Variants in DNAH14 observed in about 807,000 individuals in gnomAD.
The protein encoded by DNAH14 is dynein axonemal heavy chain 14.
Under a neutral mutation model 520.9 loss-of-function variants are expected in DNAH14, and 478 were observed. The observed-to-expected ratio is 0.92, with a 90% CI of 0.85 to 0.99. The LOEUF is 0.99. Ranked by LOEUF, DNAH14 falls within the 50% of genes least tolerant of loss-of-function variation. DNAH14 has a pLI of 0.00. For synonymous variants in DNAH14, 1,581 were observed against 1,757.2 expected (o/e 0.90, Z 2.51); for missense variants, 4,831 against 5,234.5 (o/e 0.92, Z 2.38).
intron 66 of DNAH14, among the ~76,000 whole-genome samples, chr1:225,335,651 A>G (rs1273756614): frequency 7.5e-6 from 1 of 133,428 alleles, no homozygotes; most frequent in African/African-American, 3.1e-5. Flanking sequence ...ATATGTATAT[A>G]CGCATATATA....
intron 75 of DNAH14, 53 bp from the exon 76 acceptor site, chr1:225,364,739 A>T: frequency 1.5e-6 from 2 of 1,300,788 alleles, no homozygotes; most frequent in Non-Finnish European, 1.1e-6. Context: ...TTCTAAAAAC[A>T]TGTTGGTTTA....
At chr1:225,324,980 T>C (rs904805585) in intron 64 of DNAH14, 148 bp downstream of exon 64, 3 of 397,988 alleles carry the variant, frequency 7.5e-6, no homozygotes, top group Non-Finnish European at 1.3e-5. Context: ...ATAATATTAT[T>C]GGTAATATTA....
intron 61 of DNAH14, among the ~76,000 whole-genome samples, chr1:225,322,229 A>G (rs1301986464): frequency 6.6e-6 from 1 of 151,286 alleles, no homozygotes; most frequent in Non-Finnish European, 1.5e-5. Flanking sequence ...AGCTGGGACT[A>G]CAGGCACCCG....
In DNAH14 at chr1:225,322,653, A is replaced by C. The variant is rs868787421; in HGVS notation, c.9336-11A>C. 4 of 1,462,632 alleles carry C rather than the reference A, an allele frequency of 2.7e-6. No homozygotes were observed. In the Middle Eastern group the frequency reaches 7.1e-4, roughly 260 times the overall value. The allele number at this position is 1,462,632 out of a possible 1,614,324, so 90.6% of individuals were successfully genotyped here. A position where few individuals can be genotyped will look rare whatever the true frequency, so the allele number is the denominator to read the frequency against. On this transcript the variant is annotated splice_polypyrimidine_tract_variant and intron_variant, in intron 61 of 85. Transcript: ENST00000682510. Reference sequence around the variant, plus strand: ...TTGTGAAGTTGATGAGATTTTCATCATCTATTACAGAGTATACACACGGCC... The same window carrying C: ...TTGTGAAGTTGATGAGATTTTCATCCTCTATTACAGAGTATACACACGGCC...
chr1:225,133,538 G>T (rs1335892476), intron 27 of DNAH14, among the ~76,000 whole-genome samples: 1 of 151,924 alleles, frequency 6.6e-6, no homozygotes, highest in African/African-American at 2.4e-5. Context: ...ATGGCTGTAG[G>T]TGTGAGGTTC....
At chr1:225,151,800 T>G in intron 31 of DNAH14, 1 of 664,256 alleles carries the variant, frequency 1.5e-6, no homozygotes, top group Non-Finnish European at 2.7e-6. Context: ...ATCAAATACA[T>G]CTGAATCCCA....
intron 72 of DNAH14, 24 bp downstream of exon 72, chr1:225,351,907 A>G: frequency 1.3e-6 from 2 of 1,531,054 alleles, no homozygotes; most frequent in Non-Finnish European, 1.8e-6. Context: ...CAGTGTTTTA[A>G]CCTAACTTAA....
chr1:224,999,040 T>C (rs918462214), intron 8 of DNAH14, among the ~76,000 whole-genome samples: 2 of 152,176 alleles, frequency 1.3e-5, no homozygotes, highest in African/African-American at 4.8e-5. Context: ...TGTTCTTTGT[T>C]CTGGTAGTTT....
intron 23 of DNAH14, among the ~76,000 whole-genome samples, chr1:225,114,460 G>T (rs1383550695): frequency 6.6e-6 from 1 of 152,172 alleles, no homozygotes; most frequent in Non-Finnish European, 1.5e-5. Context: ...GGTTGGGGGA[G>T]AGGTGATGCA....
intron 23 of DNAH14, among the ~76,000 whole-genome samples, chr1:225,111,284 T>A (rs2076456694): frequency 6.6e-6 from 1 of 152,098 alleles, no homozygotes; most frequent in African/African-American, 2.4e-5. Context: ...GCTTTATATA[T>A]CTGGGCCCTT....
intron 9 of DNAH14, among the ~76,000 whole-genome samples, chr1:225,004,452 TAGAAG>T (rs2064010481): frequency 6.6e-6 from 1 of 152,156 alleles, no homozygotes; most frequent in South Asian, 2.1e-4. Context: ...TGAATAGCCA[TAGAAG>T]AGGAGATAAG....
At chr1:225,071,826 G>A (rs185661896) in intron 17 of DNAH14, among the ~76,000 whole-genome samples, 22 of 152,198 alleles carry the variant, frequency 1.4e-4, no homozygotes, top group African/African-American at 3.6e-4. Flanking sequence ...ATCAAATCTC[G>A]TGAGAACTTA....
At chr1:225,116,286 A>G (rs890642291) in intron 23 of DNAH14, among the ~76,000 whole-genome samples, 4 of 152,218 alleles carry the variant, frequency 2.6e-5, no homozygotes, top group African/African-American at 9.6e-5. Context: ...AGGATTTTAA[A>G]TAAGAGAGTG....
intron 37 of DNAH14, among the ~76,000 whole-genome samples, chr1:225,185,725 T>G (rs1416842169): frequency 6.6e-6 from 1 of 151,678 alleles, no homozygotes; most frequent in East Asian, 1.9e-4. Flanking sequence ...AATTTTGTCT[T>G]TTTTTGAATA....
chr1:225,188,129 A>G (rs139729098), intron 37 of DNAH14, among the ~76,000 whole-genome samples: 125 of 152,012 alleles, frequency 8.2e-4, no homozygotes, highest in African/African-American at 2.7e-3. Context: ...TGTGATTGCT[A>G]TATAGTTTTA....
chr1:225,130,868 G>T (rs1333012261), intron 27 of DNAH14, among the ~76,000 whole-genome samples: 4 of 152,076 alleles, frequency 2.6e-5, no homozygotes, highest in African/African-American at 9.6e-5. Context: ...TGCAATATCT[G>T]TGAAGTACAA....
intron 44 of DNAH14, among the ~76,000 whole-genome samples, chr1:225,257,186 C>A (rs573097989): frequency 2.6e-4 from 39 of 152,336 alleles, no homozygotes; most frequent in African/African-American, 7.2e-4. Flanking sequence ...ACTGCTTTGA[C>A]CTCTCCGGGG....
chr1:225,314,834 G>C (rs757690362), intron 60 of DNAH14, among the ~76,000 whole-genome samples: 12 of 152,164 alleles, frequency 7.9e-5, no homozygotes, highest in Admixed American at 5.2e-4. Flanking sequence ...TTCCCTCTGT[G>C]GGTAACCCGA....
At chr1:224,993,056 A>G (rs765518728) in intron 8 of DNAH14, among the ~76,000 whole-genome samples, 1 of 152,240 alleles carries the variant, frequency 6.6e-6, no homozygotes, top group African/African-American at 2.4e-5. Flanking sequence ...GTTAAATCCT[A>G]GTTGACTTTG....
Sources: gnomAD v4.1 joint callset for allele counts (sites outside exome capture counted in the v4.1 genomes callset) on GRCh38, gnomAD v4.1.1 for gene constraint, MANE v1.5 for transcripts, NCBI Gene and HGNC (gene_info 2026-07-23, HGNC 2026-07-21) for gene names.